Variants in PARK7 observed in about 807,000 individuals in gnomAD.
The protein encoded by PARK7 is Parkinson disease protein 7.
PARK7 carries 14 observed loss-of-function variants against 20.5 expected under a neutral mutation model. The observed-to-expected ratio is 0.68, with a 90% CI of 0.45 to 1.07. PARK7 has a LOEUF of 1.07. PARK7 is among the 50% of genes least tolerant of loss of function. PARK7 has a pLI of 0.00. For synonymous variants in PARK7, 98 were observed against 84.3 expected (o/e 1.16, Z -0.89); for missense variants, 234 against 238.1 (o/e 0.98, Z 0.11).
intron 6 of PARK7, among the ~76,000 whole-genome samples, chr1:7,980,078 G>A (rs1353055883): frequency 5.3e-5 from 8 of 150,610 alleles, no homozygotes; most frequent in Non-Finnish European, 8.8e-5. Context: ...GGAGAGTGGC[G>A]TGAACCCAAG....
chr1:7,969,445 G>GC (rs1557444451), intron 4 of PARK7, 41 bp downstream of exon 4: 3 of 987,294 alleles, frequency 3.0e-6, no homozygotes, highest in Non-Finnish European at 3.2e-6. Flanking sequence ...AAAGCTGGGG[G>GC]GGGGGAAAAA....
Position 7,984,736 on chromosome 1 carries a change from G to A in PARK7, c.410-158G>A, listed in dbSNP as rs1339145835. On this transcript the variant is annotated intron_variant, in intron 6 of 6. Coordinates refer to ENST00000338639, the MANE Select transcript of PARK7 (RefSeq NM_007262.5). This position sits in a 1 kb window ranked among gnomAD's most constrained non-coding sequence, Gnocchi z 4.3. ...GCACAGTTTTAAAAATACCTTTGTA[G>A]GGGGCTTCTAAGAGCTTGGAGTGCC... 4 of 817,470 alleles carry A rather than the reference G, an allele frequency of 4.9e-6. No individual in the cohort carries two copies. In the East Asian group the frequency reaches 1.0e-4, roughly 21 times the overall value. The allele number at this position is 817,470 out of a possible 1,614,324, so 50.6% of individuals were successfully genotyped here.
chr1:7,973,574 C>T (rs34472269), intron 5 of PARK7, among the ~76,000 whole-genome samples: 3 of 151,972 alleles, frequency 2.0e-5, no homozygotes, highest in Non-Finnish European at 1.5e-5. Flanking sequence ...ATTAGCCAGG[C>T]GTGGTGGCGC....
chr1:7,976,783 C>T (rs948238694), intron 5 of PARK7, among the ~76,000 whole-genome samples: 3 of 152,130 alleles, frequency 2.0e-5, no homozygotes, highest in Admixed American at 6.5e-5. Context: ...TGCAGTGGCA[C>T]GATCTTGGCT....
chr1:7,969,874 G>A (rs1055762821), intron 4 of PARK7, among the ~76,000 whole-genome samples: 1 of 150,664 alleles, frequency 6.6e-6, no homozygotes, highest in South Asian at 2.3e-4. Flanking sequence ...CACCACTCCC[G>A]ACCTCAAGAA....
chr1:7,963,276 C>T lies in PARK7; in HGVS notation c.90+401C>T, dbSNP rs1214500052. 2.0e-5 allele frequency among the ~76,000 whole-genome samples: 3 copies of T among 152,128 alleles called. No homozygotes were observed. The East Asian group carries it at 5.8e-4, about 29-fold the overall frequency. On this transcript the variant is annotated intron_variant, in intron 2 of 6. Coordinates refer to ENST00000338639, the MANE Select transcript of PARK7 (RefSeq NM_007262.5). Reference sequence around the variant, plus strand: ...ACAGGGTTTTGCCATGTTGCCCAGGCTGCTCTCCAACTCCTGAGCTCAAGT... The same window carrying T: ...ACAGGGTTTTGCCATGTTGCCCAGGTTGCTCTCCAACTCCTGAGCTCAAGT...
intron 6 of PARK7, among the ~76,000 whole-genome samples, chr1:7,981,029 C>T (rs1640698753): frequency 6.6e-6 from 1 of 152,050 alleles, no homozygotes; most frequent in African/African-American, 2.4e-5. Context: ...TTAATTCCTC[C>T]GATTTTAGAA....
rs1553123450 is a variant in PARK7 at position 7,970,935 on chromosome 1, G to T, written c.294G>T (p.Arg98=). 13 of 1,614,086 alleles carry T rather than the reference G, an allele frequency of 8.1e-6. No homozygotes were observed. The highest frequency in any genetic ancestry group is 1.1e-5 in the Non-Finnish European group (13 of 1,180,042). Residue 98 remains arginine (R), a synonymous_variant, in exon 5 of 7, where the codon CGG becomes CGT. Coordinates refer to ENST00000338639, the MANE Select transcript of PARK7 (RefSeq NM_007262.5). ...VKEILKEQEN[R]KGLIAAICAG... ...AGATACTGAAGGAGCAGGAAAACCG[G>T]AAGGGCCTGATAGCCGCCATCTGTG...
chr1:7,961,911 T>A (rs1640211015), intron 1 of PARK7, 118 bp downstream of exon 1: 4 of 151,114 alleles, frequency 2.6e-5, no homozygotes, highest in Admixed American at 2.6e-4. Flanking sequence ...GCGCGGGGCC[T>A]GGGTCGGGGC....
rs1640303219 is a variant in PARK7, at chr1:7,965,381, G to C, written c.148G>C (p.Val50Leu). The C allele has an allele frequency of 6.2e-7, 1 of 1,614,110 alleles. No individual in the cohort carries two copies. Among genetic ancestry groups the C allele is most frequent in the African/African-American group, 1.3e-5 (1 of 74,940 alleles). The change falls in exon 3 of 7, where the codon GTG (valine) becomes CTG (leucine). Residue 50 changes from valine to leucine, a missense_variant. Coordinates refer to ENST00000338639, the MANE Select transcript of PARK7 (RefSeq NM_007262.5). ...AGACCCAGTACAGTGTAGCCGTGAT[G>C]TGGTCATTTGTCCTGATGCCAGCCT... ...GKDPVQCSRD[V>L]VICPDASLED...
chr1:7,965,226 G>A (rs935573296), intron 2 of PARK7, 98 bp from the exon 3 acceptor site: 19 of 1,105,976 alleles, frequency 1.7e-5, no homozygotes, highest in African/African-American at 3.1e-5. Flanking sequence ...CAGGTGACAG[G>A]GTGAGACCCC....
intron 3 of PARK7, among the ~76,000 whole-genome samples, chr1:7,967,958 AT>A (rs1640362746): frequency 6.6e-6 from 1 of 151,782 alleles, no homozygotes; most frequent in Non-Finnish European, 1.5e-5. Flanking sequence ...TACATAATAC[AT>A]TTTTATTTTG....
Position 7,984,832 on chromosome 1 carries a change from GTAAT to G in PARK7, c.410-61_410-58del, listed in dbSNP as rs1391998177. ...CTGTAATAGTGAATTTAATTGGTAA[GTAAT>G]CGTCTTTCTCGTCACATAGCCCATT... On this transcript the variant is annotated intron_variant, in intron 6 of 6. Transcript: ENST00000338639. The surrounding 1 kb of genome is among the most constrained non-coding windows in gnomAD (Gnocchi z 4.3). 3.2e-6 allele frequency: 5 copies of G among 1,585,294 alleles called. No individual in the cohort carries two copies. The highest frequency in any genetic ancestry group is 4.3e-6 in the Non-Finnish European group (5 of 1,155,378).
chr1:7,966,789 T>G (rs767362866), intron 3 of PARK7, among the ~76,000 whole-genome samples: 5 of 152,162 alleles, frequency 3.3e-5, no homozygotes, highest in Non-Finnish European at 5.9e-5. Flanking sequence ...TTTAAAACAG[T>G]GGTTACCTTT....
intron 4 of PARK7, among the ~76,000 whole-genome samples, chr1:7,970,137 G>C (rs1286231465): frequency 6.6e-6 from 1 of 152,134 alleles, no homozygotes; most frequent in Non-Finnish European, 1.5e-5. Context: ...TGAGGCTGCA[G>C]TGAGCTGTGA....
rs1006337652 is a variant in PARK7 at position 7,965,340 on chromosome 1, C to T, written c.107C>T (p.Ala36Val). 4 of 1,614,108 alleles carry T rather than the reference C, an allele frequency of 2.5e-6. No individual in the cohort carries two copies. Among genetic ancestry groups the T allele is most frequent in the South Asian group, 2.2e-5 (2 of 91,084 alleles). Reference sequence around the variant, plus strand: ...TTCTCGTAGATTAAGGTCACCGTTGCAGGCCTGGCTGGAAAAGACCCAGTA... The same window carrying T: ...TTCTCGTAGATTAAGGTCACCGTTGTAGGCCTGGCTGGAAAAGACCCAGTA... ...MRRAGIKVTV[A>V]GLAGKDPVQC... The change falls in exon 3 of 7, where the codon GCA (alanine) becomes GTA (valine). Residue 36 changes from alanine (A) to valine (V), a missense_variant. Transcript: ENST00000338639.
At chr1:7,966,435 C>G (rs1378536472) in intron 3 of PARK7, among the ~76,000 whole-genome samples, 2 of 151,786 alleles carry the variant, frequency 1.3e-5, no homozygotes, top group Non-Finnish European at 2.9e-5. Flanking sequence ...CAGTGGCTCA[C>G]CTGTAATCCC....
chr1:7,962,394 G>T lies in PARK7; in HGVS notation c.-23-369G>T, dbSNP rs935835420. On this transcript the variant is annotated intron_variant, in intron 1 of 6. Coordinates refer to ENST00000338639, the MANE Select transcript of PARK7 (RefSeq NM_007262.5). ...TCAGTTTAGTCGTTTCTCTGAAACA[G>T]TGCTTCAAAAAAGACTGTTTCCCCG... Among the ~76,000 whole-genome samples, 3 of 138,102 alleles carry T rather than the reference G, an allele frequency of 2.2e-5. No individual in the cohort carries two copies. The South Asian group carries it at 6.2e-4, about 29-fold the overall frequency. The allele number at this position is 138,102 out of a possible 152,430, so 90.6% of individuals were successfully genotyped here.
chr1:7,984,048 G>C lies in PARK7; in HGVS notation c.410-846G>C, dbSNP rs1640766849. 6.6e-6 allele frequency among the ~76,000 whole-genome samples: 1 copy of C among 152,204 alleles called. No individual in the cohort carries two copies. The highest frequency in any genetic ancestry group is 2.4e-5 in the African/African-American group (1 of 41,442). ...ATTTGGGGAGGTGGGGGTGGTCACA[G>C]ATACCCTCTCTGAGGGGTTTTTGTT... On this transcript the variant is annotated intron_variant, in intron 6 of 6. Coordinates refer to ENST00000338639, the MANE Select transcript of PARK7 (RefSeq NM_007262.5). This position sits in a 1 kb window ranked among gnomAD's most constrained non-coding sequence, Gnocchi z 4.3.
Sources: allele counts gnomAD v4.1 joint callset (sites outside exome capture counted in the v4.1 genomes callset), GRCh38; gene constraint gnomAD v4.1.1; non-coding constraint Gnocchi (gnomAD v3.1); transcripts MANE v1.5; gene names NCBI Gene and HGNC (gene_info 2026-07-23, HGNC 2026-07-21).